LGSN: variants seen among roughly 807,000 people sequenced by gnomAD.
The protein encoded by LGSN is lengsin.
LGSN carries 21 observed loss-of-function variants against 19.5 expected under a neutral mutation model. The observed-to-expected ratio is 1.07, with a 90% confidence interval of 0.76 to 1.55. LGSN has a LOEUF of 1.55. LGSN is among the 40% of genes most tolerant of loss of function. LGSN has a pLI of 0.00. For missense variants in LGSN, 673 were observed against 608.5 expected (o/e 1.11, Z -1.12); for synonymous variants, 257 against 215.6 (o/e 1.19, Z -1.68).
the LGSN span, among the ~76,000 whole-genome samples, chr6:63,536,205 C>T: frequency 6.6e-6 from 1 of 152,160 alleles, no homozygotes; most frequent in Non-Finnish European, 1.5e-5. Flanking sequence ...GTGGCGGGTG[C>T]CTGCAGTCCC....
chr6:63,431,438 C>T, the LGSN span, among the ~76,000 whole-genome samples: 4 of 152,168 alleles, frequency 2.6e-5, no homozygotes, highest in African/African-American at 7.2e-5. Flanking sequence ...AGGACTTCTA[C>T]GTGTTTCCCA....
At chr6:63,458,498 T>C in the LGSN span, among the ~76,000 whole-genome samples, 2 of 152,270 alleles carry the variant, frequency 1.3e-5, no homozygotes, top group South Asian at 4.1e-4. Flanking sequence ...ATACCTTCCT[T>C]CAGAACAAAG....
the LGSN span, among the ~76,000 whole-genome samples, chr6:63,350,633 C>A: frequency 1.3e-5 from 2 of 152,294 alleles, no homozygotes; most frequent in Non-Finnish European, 2.9e-5. Flanking sequence ...GGGTGGATCA[C>A]CTGAGGTCAG....
At chr6:63,388,960 T>C in the LGSN span, among the ~76,000 whole-genome samples, 1 of 152,144 alleles carries the variant, frequency 6.6e-6, no homozygotes, top group East Asian at 1.9e-4. Context: ...TGCATATATT[T>C]AAGCAGAATG....
chr6:63,518,249 C>T, the LGSN span, among the ~76,000 whole-genome samples: 3 of 151,892 alleles, frequency 2.0e-5, no homozygotes, highest in Non-Finnish European at 2.9e-5. Flanking sequence ...TTATTGCTGC[C>T]AGAGCACATC....
At chr6:63,340,938 G>A in the LGSN span, among the ~76,000 whole-genome samples, 21 of 151,870 alleles carry the variant, frequency 1.4e-4, no homozygotes, top group Non-Finnish European at 2.1e-4. Flanking sequence ...TTTTTATAGC[G>A]AAAGACTTTT....
chr6:63,451,974 T>C, the LGSN span, among the ~76,000 whole-genome samples: 1 of 152,086 alleles, frequency 6.6e-6, no homozygotes, highest in African/African-American at 2.4e-5. Context: ...TTGGATTCCA[T>C]TGATTAGAAG....
the LGSN span, among the ~76,000 whole-genome samples, chr6:63,362,531 G>A: frequency 5.3e-5 from 8 of 152,150 alleles, no homozygotes; most frequent in Non-Finnish European, 1.2e-4. Context: ...CTTAGCAAAC[G>A]GCACACCAGG....
At chr6:63,500,563 A>C in the LGSN span, among the ~76,000 whole-genome samples, 1 of 151,770 alleles carries the variant, frequency 6.6e-6, no homozygotes, top group Non-Finnish European at 1.5e-5. Context: ...CTGGGATTGC[A>C]GGCATGCACC....
At chr6:63,375,526 T>G in the LGSN span, among the ~76,000 whole-genome samples, 1 of 152,076 alleles carries the variant, frequency 6.6e-6, no homozygotes, top group Non-Finnish European at 1.5e-5. Context: ...ATTCCCTAGG[T>G]TGATATATGA....
At chr6:63,361,564 C>T in the LGSN span, among the ~76,000 whole-genome samples, 1 of 152,200 alleles carries the variant, frequency 6.6e-6, no homozygotes, top group African/African-American at 2.4e-5. Context: ...CACACCTTTC[C>T]TTGGCTAGGA....
chr6:63,446,862 C>A, the LGSN span, among the ~76,000 whole-genome samples: 1 of 152,158 alleles, frequency 6.6e-6, no homozygotes, highest in Admixed American at 6.5e-5. Flanking sequence ...CCAGCCTGCC[C>A]AACTTGGAGA....
chr6:63,359,698 A>G, the LGSN span, among the ~76,000 whole-genome samples: 1 of 151,978 alleles, frequency 6.6e-6, no homozygotes, highest in Admixed American at 6.6e-5. Flanking sequence ...ATCATTTTTT[A>G]TTGCATCTAT....
chr6:63,346,603 A>T, the LGSN span, among the ~76,000 whole-genome samples: 1 of 152,066 alleles, frequency 6.6e-6, no homozygotes, highest in Non-Finnish European at 1.5e-5. Context: ...TGATTAAATG[A>T]TTTAACCTAA....
the LGSN span, among the ~76,000 whole-genome samples, chr6:63,404,007 G>A: frequency 4.6e-5 from 7 of 151,696 alleles, no homozygotes; most frequent in South Asian, 2.1e-4. Context: ...GAAGCAAGCC[G>A]CCATGAGTCC....
chr6:63,331,584 G>A, the LGSN span, among the ~76,000 whole-genome samples: 4 of 152,028 alleles, frequency 2.6e-5, no homozygotes, highest in Non-Finnish European at 4.4e-5. Flanking sequence ...AATCCACAAC[G>A]GTCCCTGGAC....
rs149232216 is a variant in LGSN at position 63,282,537 on chromosome 6, G to A, written c.331-1317C>T. Among the ~76,000 whole-genome samples the A allele has an allele frequency of 5.9e-4, 90 of 152,194 alleles. 3 individuals carry two copies. The highest frequency in any genetic ancestry group is 2.0e-3 in the African/African-American group (81 of 41,526). ...GGAAGGAAGCCAGACTATTTCTTATGCTACCTCCAGACCCCAAGAAGCATG... is the reference window on the plus strand; with the variant it reads ...GGAAGGAAGCCAGACTATTTCTTATACTACCTCCAGACCCCAAGAAGCATG... On this transcript the variant is annotated intron_variant, in intron 3 of 3. Transcript: ENST00000370657.
At chr6:63,510,344 A>G in the LGSN span, among the ~76,000 whole-genome samples, 11 of 152,238 alleles carry the variant, frequency 7.2e-5, no homozygotes, top group South Asian at 1.2e-3. Context: ...CAAACACCAC[A>G]TGATCCCAAA....
intron 2 of LGSN, among the ~76,000 whole-genome samples, chr6:63,287,697 G>A (rs1015762291): frequency 6.6e-6 from 1 of 151,944 alleles, no homozygotes; most frequent in Non-Finnish European, 1.5e-5. Flanking sequence ...AACAAAGAGG[G>A]ACTGTCTTAA....
Sources: allele counts gnomAD v4.1 joint callset (sites outside exome capture counted in the v4.1 genomes callset), GRCh38; gene constraint gnomAD v4.1.1; transcripts MANE v1.5; gene names NCBI Gene and HGNC (gene_info 2026-07-23, HGNC 2026-07-21).